AP3D1: variants seen among roughly 807,000 people sequenced by gnomAD.
AP3D1 encodes adaptor related protein complex 3 subunit delta 1.
Under a neutral mutation model 147.6 loss-of-function variants are expected in AP3D1, and 51 were observed. That is an observed-to-expected ratio of 0.35 (90% CI 0.28 to 0.44). The LOEUF (loss-of-function observed/expected upper bound fraction) is 0.44, where lower values mean the gene tolerates loss of function less well. Among genes scored for constraint, AP3D1 ranks in the 20% least tolerant of loss-of-function variants. The pLI is 1.00. For synonymous variants in AP3D1, 760 were observed against 663.0 expected (o/e 1.15, Z -2.25); for missense variants, 1,421 against 1,624.2 (o/e 0.87, Z 2.15).
chr19:2,156,065 A>G (rs1245356211), upstream of AP3D1, among the ~76,000 whole-genome samples: 1 of 151,988 alleles, frequency 6.6e-6, no homozygotes, highest in Non-Finnish European at 1.5e-5. Context: ...AAAAAAAAAA[A>G]AAGAAAAAAG....
At chr19:2,114,719 A>G (rs2018390990) in intron 21 of AP3D1, 29 bp downstream of exon 21, 1 of 1,489,538 alleles carries the variant, frequency 6.7e-7, no homozygotes, top group South Asian at 1.1e-5. Flanking sequence ...TGTGGCCTCC[A>G]CCCTCACCCT....
intron 4 of AP3D1, among the ~76,000 whole-genome samples, chr19:2,132,820 C>T (rs1266132761): frequency 6.6e-6 from 1 of 152,128 alleles, no homozygotes; most frequent in Non-Finnish European, 1.5e-5. Flanking sequence ...CCGGGATGGG[C>T]GCGGCTGGGA....
At chr19:2,127,737 G>C (rs547591637) in intron 8 of AP3D1, among the ~76,000 whole-genome samples, 29 of 152,312 alleles carry the variant, frequency 1.9e-4, no homozygotes, top group African/African-American at 6.7e-4. Context: ...ATGTTGCCTA[G>C]ACTGGTCTTG....
At chr19:2,162,940 C>T (rs943191536) in intron 1 of AP3D1, among the ~76,000 whole-genome samples, 3 of 152,098 alleles carry the variant, frequency 2.0e-5, no homozygotes, top group African/African-American at 7.2e-5. Context: ...AAAATTATGA[C>T]TGAGACAGTT....
At chr19:2,121,962 G>A (rs976812373) in intron 11 of AP3D1, 83 bp from the exon 12 acceptor site, 4 of 1,472,162 alleles carry the variant, frequency 2.7e-6, no homozygotes, top group Admixed American at 2.4e-5. Flanking sequence ...TCCGGGCCGG[G>A]TCTCCACCTC....
chr19:2,155,286 A>T (rs545345077), upstream of AP3D1, among the ~76,000 whole-genome samples: 12 of 152,014 alleles, frequency 7.9e-5, no homozygotes, highest in Non-Finnish European at 4.4e-5. Flanking sequence ...GCTTGAACCC[A>T]GGAGGCAGAG....
intron 1 of AP3D1, among the ~76,000 whole-genome samples, chr19:2,145,403 G>A (rs1486961003): frequency 2.0e-5 from 3 of 152,250 alleles, no homozygotes; most frequent in Non-Finnish European, 4.4e-5. Context: ...CTAAGGCAGT[G>A]GTTCCCAGCA....
At chr19:2,153,666 T>G (rs2019622135), upstream of AP3D1, among the ~76,000 whole-genome samples, 1 of 149,666 alleles carries the variant, frequency 6.7e-6, no homozygotes, top group Non-Finnish European at 1.5e-5. Context: ...CAGAGCAAGA[T>G]TCCGTCTCAA....
chr19:2,114,622 G>GCCCCCCCCC, intron 21 of AP3D1, 126 bp downstream of exon 21: 3 of 665,738 alleles, frequency 4.5e-6, no homozygotes, highest in East Asian at 2.8e-5. Context: ...TCTGGGGAAG[G>GCCCCCCCCC]CCCGCCCGCA....
At chr19:2,134,780 T>C (rs1216235517) in intron 4 of AP3D1, among the ~76,000 whole-genome samples, 3 of 150,576 alleles carry the variant, frequency 2.0e-5, no homozygotes, top group African/African-American at 7.3e-5. Flanking sequence ...TTTGTATTTT[T>C]AGTACAGACG....
At chr19:2,138,502 G>C in intron 2 of AP3D1, 117 bp downstream of exon 2, 1 of 818,100 alleles carries the variant, frequency 1.2e-6, no homozygotes, top group Non-Finnish European at 2.1e-6. Context: ...GTGGCTCACC[G>C]ACAGCAGGTG....
At position 2,109,434 on chromosome 19, in the gene AP3D1, G is replaced by A. The variant is rs112993347; in HGVS notation, c.3351-227C>T. On this transcript the variant is annotated intron_variant, in intron 29 of 31. Transcript: ENST00000643116. ...CTTTAAAGAGGTCACAGAGGTGCCT[G>A]AAGCCATGGGATGGGCCCTCCTCCG... The A allele has an allele frequency of 1.2e-3, 676 of 559,124 alleles. 5 individuals are homozygous for A. The highest frequency in any genetic ancestry group is 0.012 in the African/African-American group (611 of 52,572). 34.6% of individuals were successfully genotyped at this position (559,124 alleles called of 1,614,324 possible).
chr19:2,116,360 G>A lies in AP3D1; in HGVS notation c.2002-82C>T, dbSNP rs2018448871. The A allele has an allele frequency of 3.5e-6, 5 of 1,437,694 alleles. No individual in the cohort carries two copies. The South Asian group carries it at 3.8e-5, about 11-fold the overall frequency. 89.1% of individuals were successfully genotyped at this position (1,437,694 alleles called of 1,614,324 possible). A position where few individuals can be genotyped will look rare whatever the true frequency, so the allele number is the denominator to read the frequency against. Reference sequence around the variant, plus strand: ...GACGTCCACCACCAGCCACCCAGCTGGGGAAGGCTGGATCTCTGGCTATTT... The same window carrying A: ...GACGTCCACCACCAGCCACCCAGCTAGGGAAGGCTGGATCTCTGGCTATTT... On this transcript the variant is annotated intron_variant, in intron 17 of 31. Coordinates refer to ENST00000643116, the MANE Select transcript of AP3D1 (RefSeq NM_001261826.3).
At chr19:2,126,255 G>C (rs897853986) in intron 9 of AP3D1, among the ~76,000 whole-genome samples, 1 of 149,326 alleles carries the variant, frequency 6.7e-6, no homozygotes, top group African/African-American at 2.6e-5. Context: ...TGCCCCGTGA[G>C]GCTTTGGCTG....
intron 15 of AP3D1, 37 bp from the exon 16 acceptor site, chr19:2,117,404 C>G: frequency 6.5e-7 from 1 of 1,529,314 alleles, no homozygotes. Context: ...GGCACCTGCC[C>G]GGAAGGCCAC....
chr19:2,137,965 C>A (rs1453758031), intron 2 of AP3D1, among the ~76,000 whole-genome samples, 158 bp from the exon 3 acceptor site: 1 of 151,256 alleles, frequency 6.6e-6, no homozygotes, highest in Non-Finnish European at 1.5e-5. Context: ...CCTTTAATTT[C>A]TTCTTTTGAC....
chr19:2,127,322 G>C (rs899856364), intron 8 of AP3D1, 121 bp from the exon 9 acceptor site: 11 of 1,070,326 alleles, frequency 1.0e-5, no homozygotes, highest in Non-Finnish European at 1.5e-5. Flanking sequence ...GTGTGCCCCA[G>C]GAGGGAGCCC....
Position 2,129,465 on chromosome 19 carries a change from A to G in AP3D1, c.593-8T>C. The G allele has an allele frequency of 6.2e-7, 1 of 1,611,474 alleles. No individual in the cohort carries two copies. Among genetic ancestry groups the G allele is most frequent in the Non-Finnish European group, 8.5e-7 (1 of 1,177,912 alleles). ...CGGCAGCCGACTGAACCCCTGGGGA[A>G]CAAGGGGTTCTCATCAGCATGCCTG... On this transcript the variant is annotated splice_region_variant and splice_polypyrimidine_tract_variant and intron_variant, in intron 6 of 31. Transcript: ENST00000643116.
At position 2,117,416 on chromosome 19, in the gene AP3D1, C is replaced by T. The variant is rs759494581; in HGVS notation, c.1714-49G>A. 7.9e-6 allele frequency: 12 copies of T among 1,513,934 alleles called. 1 individual carries two copies. The highest frequency in any genetic ancestry group is 1.3e-5 in the South Asian group (1 of 78,654). The allele number at this position is 1,513,934 out of a possible 1,614,324, so 93.8% of individuals were successfully genotyped here. On this transcript the variant is annotated intron_variant, in intron 15 of 31. Coordinates refer to ENST00000643116, the MANE Select transcript of AP3D1 (RefSeq NM_001261826.3). ...GCTGGCACCTGCCCGGAAGGCCACT[C>T]GGCCACCTTCAGGGACACGGGGTGG...
Sources: gnomAD v4.1 joint callset for allele counts (sites outside exome capture counted in the v4.1 genomes callset) on GRCh38, gnomAD v4.1.1 for gene constraint, MANE v1.5 for transcripts, NCBI Gene and HGNC (gene_info 2026-07-23, HGNC 2026-07-21) for gene names.